LGSN: variants seen among roughly 807,000 people sequenced by gnomAD.
LGSN encodes lengsin, lens protein with glutamine synthetase domain, also known as lengsin.
In LGSN, 21 loss-of-function variants were observed where a neutral mutation model predicts 19.5. The observed-to-expected ratio is 1.07, with a 90% confidence interval of 0.76 to 1.55. LGSN has a LOEUF of 1.55. LGSN is among the 40% of genes most tolerant of loss of function. The probability of loss-of-function intolerance (pLI) is 0.00; values close to 1 mark genes in which losing one functional copy is unlikely to be tolerated. For missense variants in LGSN, 673 were observed against 608.5 expected, an observed-to-expected ratio of 1.11 and a Z score of -1.12; for synonymous variants, 257 against 215.6, an observed-to-expected ratio of 1.19 and a Z score of -1.68.
At chr6:63,343,768 A>T in the LGSN span, among the ~76,000 whole-genome samples, 2 of 152,210 alleles carry the variant, frequency 1.3e-5, no homozygotes, top group Admixed American at 1.3e-4. Flanking sequence ...ACTGATTTTA[A>T]AATACAAAGA....
At chr6:63,548,673 T>C in the LGSN span, 1 of 465,540 alleles carries the variant, frequency 2.1e-6, no homozygotes. Flanking sequence ...TCTATTTTAA[T>C]TATTTTTATG....
the LGSN span, among the ~76,000 whole-genome samples, chr6:63,355,243 T>C: frequency 2.0e-5 from 3 of 152,160 alleles, no homozygotes; most frequent in South Asian, 6.2e-4. Flanking sequence ...ATACAAATAT[T>C]ATGTATCAAT....
At chr6:63,484,328 C>T in the LGSN span, among the ~76,000 whole-genome samples, 866 of 152,194 alleles carry the variant, frequency 5.7e-3, 5 homozygotes, top group South Asian at 0.025. Flanking sequence ...CATGGCAAAA[C>T]CTGTCAAAAC....
the LGSN span, among the ~76,000 whole-genome samples, chr6:63,361,127 T>G: frequency 1.1e-3 from 166 of 152,364 alleles, 1 homozygote; most frequent in African/African-American, 3.8e-3. Context: ...GAAGGCAGTC[T>G]GTCCATTCTC....
At chr6:63,306,493 T>A (rs1364484024) in intron 1 of LGSN, among the ~76,000 whole-genome samples, 1 of 152,222 alleles carries the variant, frequency 6.6e-6, no homozygotes, top group Non-Finnish European at 1.5e-5. Flanking sequence ...AGTTTAACCT[T>A]CATTAGTCCC....
At chr6:63,312,471 T>A (rs1469250116) in intron 1 of LGSN, among the ~76,000 whole-genome samples, 1 of 152,236 alleles carries the variant, frequency 6.6e-6, no homozygotes, top group Non-Finnish European at 1.5e-5. Flanking sequence ...AATTATATAG[T>A]ATCCCTTTGG....
chr6:63,463,354 A>G, the LGSN span, among the ~76,000 whole-genome samples: 1 of 152,180 alleles, frequency 6.6e-6, no homozygotes, highest in Admixed American at 6.6e-5. Flanking sequence ...ATGGCAGAAT[A>G]CAACTGAGGC....
the LGSN span, among the ~76,000 whole-genome samples, chr6:63,411,133 T>A: frequency 2.0e-5 from 3 of 152,296 alleles, no homozygotes; most frequent in African/African-American, 7.2e-5. Context: ...CTTCCTAAAA[T>A]TGACTAGAAA....
chr6:63,498,585 GT>G, the LGSN span, among the ~76,000 whole-genome samples: 1 of 152,128 alleles, frequency 6.6e-6, no homozygotes, highest in Admixed American at 6.5e-5. Flanking sequence ...AAGGTTTGCT[GT>G]AGTCATGACA....
the LGSN span, among the ~76,000 whole-genome samples, chr6:63,453,420 C>A: frequency 6.6e-6 from 1 of 152,262 alleles, no homozygotes; most frequent in Non-Finnish European, 1.5e-5. Flanking sequence ...CCTTTCAGTT[C>A]TCTAAGTGTT....
chr6:63,565,676 C>G, the LGSN span, among the ~76,000 whole-genome samples: 1 of 152,092 alleles, frequency 6.6e-6, no homozygotes, highest in Non-Finnish European at 1.5e-5. Flanking sequence ...TGGACTTTGT[C>G]CTTAGGCCAG....
the LGSN span, among the ~76,000 whole-genome samples, chr6:63,524,065 T>C: frequency 1.3e-5 from 2 of 152,144 alleles, no homozygotes; most frequent in Non-Finnish European, 2.9e-5. Context: ...CACTGCAACC[T>C]TTGCCTCCCA....
the LGSN span, chr6:63,480,162 C>A: frequency 0.48 from 104,306 of 216,534 alleles, 27,218 homozygotes; most frequent in Non-Finnish European, 0.56. Flanking sequence ...AAAAGCCCCA[C>A]TGGCCTCCAG....
At chr6:63,326,031 A>G in the LGSN span, among the ~76,000 whole-genome samples, 1 of 152,080 alleles carries the variant, frequency 6.6e-6, no homozygotes, top group Non-Finnish European at 1.5e-5. Context: ...TACAATCCCT[A>G]CAATCCCTGA....
chr6:63,554,212 T>C, the LGSN span, among the ~76,000 whole-genome samples: 2 of 152,240 alleles, frequency 1.3e-5, no homozygotes, highest in African/African-American at 4.8e-5. Context: ...GCAGTTTCTT[T>C]TTAAGTATAT....
chr6:63,398,302 G>A, the LGSN span, among the ~76,000 whole-genome samples: 4 of 151,370 alleles, frequency 2.6e-5, no homozygotes, highest in Non-Finnish European at 5.9e-5. Context: ...GGAGATGACA[G>A]ACAGCTCTAT....
intron 1 of LGSN, among the ~76,000 whole-genome samples, chr6:63,297,467 G>T (rs1768021708): frequency 6.6e-6 from 1 of 151,640 alleles, no homozygotes; most frequent in Admixed American, 6.6e-5. Context: ...ATTTCATTCA[G>T]TCCTTTTCAG....
chr6:63,507,097 C>G, the LGSN span, among the ~76,000 whole-genome samples: 1 of 152,122 alleles, frequency 6.6e-6, no homozygotes, highest in Non-Finnish European at 1.5e-5. Context: ...CTCTCCATAC[C>G]AAGTGAATGA....
chr6:63,326,566 G>A, the LGSN span, among the ~76,000 whole-genome samples: 7 of 152,228 alleles, frequency 4.6e-5, no homozygotes, highest in Non-Finnish European at 1.0e-4. Context: ...GCTCAGGCAT[G>A]GCGGGCTGCA....
Sources: allele counts gnomAD v4.1 joint callset (sites outside exome capture counted in the v4.1 genomes callset), GRCh38; gene constraint gnomAD v4.1.1; transcripts MANE v1.5; gene names NCBI Gene and HGNC (gene_info 2026-07-23, HGNC 2026-07-21).